MTTP: variants seen among roughly 807,000 people sequenced by gnomAD.
MTTP encodes microsomal triglyceride transfer protein, also known as microsomal triglyceride transfer protein large subunit.
Under a neutral mutation model 90.6 loss-of-function variants are expected in MTTP, and 49 were observed. The observed-to-expected ratio is 0.54, with a 90% CI of 0.43 to 0.69. The LOEUF (loss-of-function observed/expected upper bound fraction) is 0.69, where lower values mean the gene tolerates loss of function less well. MTTP is among the 30% of genes least tolerant of loss of function. MTTP has a pLI of 0.00. For synonymous variants in MTTP, 347 were observed against 384.2 expected, an observed-to-expected ratio of 0.90 and a Z score of 1.13; for missense variants, 945 against 1,067.5, an observed-to-expected ratio of 0.89 and a Z score of 1.60.
At position 99,581,888 on chromosome 4, in the gene MTTP, T is replaced by C. The variant is rs773086049; in HGVS notation, c.62-17T>C. 1.2e-6 allele frequency: 2 copies of C among 1,613,622 alleles called. No individual in the cohort carries two copies. The highest frequency in any genetic ancestry group is 1.7e-6 in the Non-Finnish European group (2 of 1,179,546). On this transcript the variant is annotated splice_polypyrimidine_tract_variant and intron_variant, in intron 1 of 17. Transcript: ENST00000265517. ...CCTTACAATGAAAACTGGATATGTG[T>C]CATTATCTTTATGCAGGTCACACAA...
chr4:99,619,843 T>C (rs944256830), intron 16 of MTTP, among the ~76,000 whole-genome samples: 1 of 152,194 alleles, frequency 6.6e-6, no homozygotes, highest in African/African-American at 2.4e-5. Context: ...CCCACAGTGT[T>C]ACCAAAAGGA....
At chr4:99,568,034 A>C (rs1300046504) in intron 1 of MTTP, among the ~76,000 whole-genome samples, 1 of 152,162 alleles carries the variant, frequency 6.6e-6, no homozygotes, top group Admixed American at 6.5e-5. Flanking sequence ...GTTTTAAATA[A>C]TAGAAAATAT....
intron 4 of MTTP, among the ~76,000 whole-genome samples, chr4:99,591,022 G>T (rs1326571240): frequency 6.6e-6 from 1 of 152,210 alleles, no homozygotes; most frequent in East Asian, 1.9e-4. Context: ...GAAAAAAAAT[G>T]AGAAGGCGCT....
rs942290671 is a variant in MTTP, at chr4:99,623,767, G to A, written c.*919G>A. 3.3e-5 allele frequency: 5 copies of A among 151,980 alleles called. No homozygotes were observed. In the East Asian group the frequency reaches 9.6e-4, roughly 29 times the overall value. 9.4% of individuals were successfully genotyped at this position (151,980 alleles called of 1,614,324 possible). A position where few individuals can be genotyped will look rare whatever the true frequency, so the allele number is the denominator to read the frequency against. The stretch of plus-strand genomic sequence containing the variant: ...ATTGCTTCAAGAAACTGGTGGATTT[G>A]GATTTCCAAAATATGAAATAAGGAA... On this transcript the variant is annotated 3_prime_UTR_variant, in exon 18 of 18. Coordinates refer to ENST00000265517, the MANE Select transcript of MTTP (RefSeq NM_001386140.1).
chr4:99,570,807 T>G (rs913016948), upstream of MTTP: 3 of 455,462 alleles, frequency 6.6e-6, no homozygotes, highest in Non-Finnish European at 1.3e-5. Context: ...GCTGGATTTG[T>G]AAATGCAGGA....
At chr4:99,570,024 T>G (rs1350669718), upstream of MTTP, among the ~76,000 whole-genome samples, 2 of 151,220 alleles carry the variant, frequency 1.3e-5, no homozygotes, top group African/African-American at 2.4e-5. Context: ...TTTTTAATGT[T>G]TTTTTTTTGT....
intron 7 of MTTP, among the ~76,000 whole-genome samples, chr4:99,596,556 A>T (rs930637241): frequency 6.6e-6 from 1 of 152,210 alleles, no homozygotes; most frequent in Non-Finnish European, 1.5e-5. Flanking sequence ...CAACAGCAAA[A>T]CATTGAATTT....
At chr4:99,589,508 T>C (rs2110216909) in intron 3 of MTTP, 135 bp from the exon 4 acceptor site, 1 of 672,358 alleles carries the variant, frequency 1.5e-6, no homozygotes, top group Non-Finnish European at 2.7e-6. Context: ...AAAAGGAAAT[T>C]CCAGATTTGG....
chr4:99,621,267 T>TC (rs1726224746), intron 17 of MTTP, 36 bp downstream of exon 17: 3 of 1,606,332 alleles, frequency 1.9e-6, no homozygotes, highest in Admixed American at 1.7e-5. Context: ...TCCAGGACCA[T>TC]CCCCAGTGCA....
chr4:99,577,619 A>AAAG (rs1171241298), intron 1 of MTTP, among the ~76,000 whole-genome samples: 1 of 134,994 alleles, frequency 7.4e-6, no homozygotes. Flanking sequence ...AAAAAAAAAA[A>AAAG]AAAGAAAGAA....
rs756998920 is a variant in MTTP, at chr4:99,581,967, G to A, written c.124G>A (p.Val42Ile). 177 of 1,614,182 alleles carry A rather than the reference G, an allele frequency of 1.1e-4. 1 individual carries two copies. In the East Asian group the frequency reaches 3.4e-3, roughly 31 times the overall value. Residue 42 changes from valine to isoleucine, a missense_variant, in exon 2 of 18, where the codon GTT (valine) becomes ATT (isoleucine). Coordinates refer to ENST00000265517, the MANE Select transcript of MTTP (RefSeq NM_001386140.1). ...RLYKLTYSTE[V>I]LLDRGKGKLQ... ...GTACAAGCTCACGTACTCCACTGAA[G>A]TTCTTCTTGATCGGGGCAAAGGAAA...
In MTTP at chr4:99,619,234, G is replaced by C. The variant is rs188312317; in HGVS notation, c.2342+136G>C. ...CTATTTGGAATTATAAAACGATAGA[G>C]TTGGAAGTGATCATAGGAAATTATT... On this transcript the variant is annotated intron_variant, in intron 16 of 17. Coordinates refer to ENST00000265517, the MANE Select transcript of MTTP (RefSeq NM_001386140.1). 5.6e-5 allele frequency: 49 copies of C among 869,790 alleles called. No individual in the cohort carries two copies. In the Middle Eastern group the frequency reaches 1.4e-3, roughly 25 times the overall value. 53.9% of individuals were successfully genotyped at this position (869,790 alleles called of 1,614,324 possible). A position where few individuals can be genotyped will look rare whatever the true frequency, so the allele number is the denominator to read the frequency against.
intron 9 of MTTP, among the ~76,000 whole-genome samples, chr4:99,600,971 G>A (rs1725682522): frequency 6.6e-6 from 1 of 152,222 alleles, no homozygotes; most frequent in Non-Finnish European, 1.5e-5. Flanking sequence ...TTTAAAGATT[G>A]TGTTCACCTA....
chr4:99,564,577 GT>G (rs1560607846), intron 1 of MTTP, among the ~76,000 whole-genome samples: 2 of 152,032 alleles, frequency 1.3e-5, no homozygotes, highest in Non-Finnish European at 2.9e-5. Flanking sequence ...ACATTTCATT[GT>G]TTATAATACT....
chr4:99,578,555 G>T (rs958173687), intron 1 of MTTP, among the ~76,000 whole-genome samples: 1 of 152,086 alleles, frequency 6.6e-6, no homozygotes, highest in Non-Finnish European at 1.5e-5. Flanking sequence ...AGGAATAAAG[G>T]GCCCATTCTT....
chr4:99,576,611 CG>C (rs1724966983), intron 1 of MTTP, among the ~76,000 whole-genome samples: 1 of 138,296 alleles, frequency 7.2e-6, no homozygotes, highest in Non-Finnish European at 1.5e-5. Flanking sequence ...AGGAGAATGG[CG>C]TGAACCCGGG....
chr4:99,597,224 T>C lies in MTTP; in HGVS notation c.1067T>C (p.Leu356Ser). 1 of 1,613,044 alleles carries C rather than the reference T, an allele frequency of 6.2e-7. No individual in the cohort carries two copies. The stretch of plus-strand genomic sequence containing the variant: ...CTAAAGATGGAAAATAAGGAAGTAT[T>C]GTAAGTTCCCCAACCTTTGTGTGGG... The part of the protein sequence containing the change: ...QILKMENKEV[L>S]PQLVDAVTSA... The change falls in exon 8 of 18, where the codon TTA (leucine) becomes TCA (serine). Residue 356 changes from leucine to serine, a missense_variant and splice_region_variant. Leu to Ser is a moderately radical substitution (Grantham distance 145). Coordinates refer to ENST00000265517, the MANE Select transcript of MTTP (RefSeq NM_001386140.1).
chr4:99,611,109 A>G, intron 12 of MTTP, 34 bp from the exon 13 acceptor site: 1 of 1,585,832 alleles, frequency 6.3e-7, no homozygotes, highest in Non-Finnish European at 8.7e-7. Context: ...CATTACAATG[A>G]ATGTGCAGCT....
chr4:99,583,341 T>C (rs751649606), intron 2 of MTTP, 33 bp from the exon 3 acceptor site: 2 of 1,609,472 alleles, frequency 1.2e-6, no homozygotes, highest in Non-Finnish European at 8.5e-7. Flanking sequence ...ATATAGGAAG[T>C]TTTTTTTAAC....
Sources: allele counts gnomAD v4.1 joint callset (sites outside exome capture counted in the v4.1 genomes callset), GRCh38; gene constraint gnomAD v4.1.1; transcripts MANE v1.5; gene names NCBI Gene and HGNC (gene_info 2026-07-23, HGNC 2026-07-21).